LPO: variants seen among roughly 807,000 people sequenced by gnomAD.
LPO encodes the protein salivary peroxidase.
In LPO, 70 loss-of-function variants were observed where a neutral mutation model predicts 68.4. The observed-to-expected ratio is 1.02, with a 90% CI of 0.84 to 1.25. LPO has a LOEUF of 1.25. Among genes scored for constraint, LPO ranks in the 50% most tolerant of loss-of-function variants. The probability of loss-of-function intolerance (pLI) is 0.00; values close to 1 mark genes in which losing one functional copy is unlikely to be tolerated. For missense variants in LPO, 873 were observed against 908.4 expected (o/e 0.96, Z 0.50); for synonymous variants, 360 against 357.6 (o/e 1.01, Z -0.08).
chr17:58,265,927 C>G (rs557175259), intron 10 of LPO, among the ~76,000 whole-genome samples: 1 of 152,212 alleles, frequency 6.6e-6, no homozygotes, highest in African/African-American at 2.4e-5. Flanking sequence ...CATCCCATGA[C>G]TGCCCCTTTC....
intron 10 of LPO, among the ~76,000 whole-genome samples, chr17:58,265,776 G>A (rs1357431502): frequency 3.3e-5 from 5 of 151,380 alleles, no homozygotes; most frequent in Admixed American, 3.3e-4. Flanking sequence ...TCAGAGGCGG[G>A]GTTTTGCCAT....
rs190090712 is a variant in LPO, at chr17:58,264,886, C to A, written c.1431C>A (p.Arg477=). Residue 477 remains arginine (R), a synonymous_variant, in exon 10 of 13, where the codon CGC becomes CGA. Coordinates refer to ENST00000262290, the MANE Select transcript of LPO (RefSeq NM_006151.3). The part of the protein sequence containing the change: ...GHLEVPSSMF[R]LDENYQPWGP... ...TGGAGGTCCCCTCTAGTATGTTCCG[C>A]CTGGATGAGAATTATCAGCCATGGG... 6.2e-7 allele frequency: 1 copy of A among 1,614,130 alleles called. No individual in the cohort carries two copies. The highest frequency in any genetic ancestry group is 2.2e-5 in the East Asian group (1 of 44,904).
Position 58,241,405 on chromosome 17 carries a change from C to G in LPO, c.-2-1573C>G, listed in dbSNP as rs372851438. On this transcript the variant is annotated intron_variant, in intron 1 of 12. Coordinates refer to ENST00000262290, the MANE Select transcript of LPO (RefSeq NM_006151.3). ...GGATTACAGGCATGAGCCACCACAC[C>G]TGGCCATGTTTTTTACCATAGTTTG... Among the ~76,000 whole-genome samples the G allele has an allele frequency of 3.7e-4, 57 of 152,266 alleles. No homozygotes were observed. In the East Asian group the frequency reaches 5.0e-3, roughly 13 times the overall value.
intron 1 of LPO, 39 bp downstream of exon 1, chr17:58,238,778 A>G (rs2143870156): frequency 6.6e-6 from 1 of 152,280 alleles, no homozygotes; most frequent in Non-Finnish European, 1.5e-5. Flanking sequence ...GGTTTCTGCA[A>G]AGTTGATGAT....
chr17:58,257,944 A>G (rs1450820669), intron 9 of LPO, among the ~76,000 whole-genome samples: 2 of 152,220 alleles, frequency 1.3e-5, no homozygotes, highest in African/African-American at 4.8e-5. Flanking sequence ...CTTTTGAGAA[A>G]TGTCTATTCA....
At chr17:58,249,796 G>C in intron 6 of LPO, 101 bp downstream of exon 6, 1 of 1,406,858 alleles carries the variant, frequency 7.1e-7, no homozygotes, top group Non-Finnish European at 9.3e-7. Flanking sequence ...GGTGGGGGCA[G>C]CAGGGGTGCG....
chr17:58,242,352 T>C (rs543607286), intron 1 of LPO, among the ~76,000 whole-genome samples: 1 of 152,330 alleles, frequency 6.6e-6, no homozygotes, highest in East Asian at 1.9e-4. Flanking sequence ...TGTCATAACT[T>C]TCTTTCAGTA....
intron 9 of LPO, among the ~76,000 whole-genome samples, chr17:58,258,883 C>T (rs1288302014): frequency 6.6e-6 from 1 of 152,124 alleles, no homozygotes; most frequent in Non-Finnish European, 1.5e-5. Context: ...CAATAAAATA[C>T]TTGTTCATAT....
intron 3 of LPO, 87 bp from the exon 4 acceptor site, chr17:58,247,391 G>T: frequency 7.9e-7 from 1 of 1,270,400 alleles, no homozygotes; most frequent in Non-Finnish European, 1.1e-6. Flanking sequence ...AGGCCATGTT[G>T]TACACACACC....
chr17:58,260,109 A>T (rs1310978901), intron 9 of LPO, among the ~76,000 whole-genome samples: 1 of 152,236 alleles, frequency 6.6e-6, no homozygotes, highest in Non-Finnish European at 1.5e-5. Flanking sequence ...CACCATGCCC[A>T]GCCCAGTATT....
At chr17:58,263,671 T>A (rs1970210783) in intron 9 of LPO, among the ~76,000 whole-genome samples, 1 of 151,604 alleles carries the variant, frequency 6.6e-6, no homozygotes, top group Non-Finnish European at 1.5e-5. Context: ...ATCAGGGAGG[T>A]CAAGGCTACA....
rs1299546610 is a variant in LPO, at chr17:58,267,431, G to A, written c.1776G>A (p.Met592Ile). The change falls in exon 12 of 13, where the codon ATG becomes ATA. Residue 592 changes from methionine (M) to isoleucine (I), a missense_variant. By Grantham distance (10) the Met-to-Ile change is conservative. Transcript: ENST00000262290. ...TGAACACAGTGCTGAAGAGCAAGAT[G>A]CTGGCCAAGAAGTTACTGGGTCTCT... ...EELNTVLKSK[M>I]LAKKLLGLYG... 1.2e-6 allele frequency: 2 copies of A among 1,614,138 alleles called. No individual in the cohort carries two copies. The highest frequency in any genetic ancestry group is 1.7e-6 in the Non-Finnish European group (2 of 1,180,050).
chr17:58,251,486 G>A (rs571167865), intron 7 of LPO: 1 of 209,654 alleles, frequency 4.8e-6, no homozygotes, highest in East Asian at 1.2e-4. Flanking sequence ...GAGCAGCAGG[G>A]ATTTGTAGGG....
intron 9 of LPO, among the ~76,000 whole-genome samples, chr17:58,255,584 G>T (rs912572132): frequency 6.6e-6 from 1 of 152,198 alleles, no homozygotes; most frequent in African/African-American, 2.4e-5. Flanking sequence ...AAGGTAGCTG[G>T]AGGCGCAGCA....
rs1162261838 is a variant in LPO, at chr17:58,264,917, G to A, written c.1462G>A (p.Glu488Lys). 1 of 1,614,222 alleles carries A rather than the reference G, an allele frequency of 6.2e-7. No individual in the cohort carries two copies. Among genetic ancestry groups the A allele is most frequent in the Non-Finnish European group, 8.5e-7 (1 of 1,180,040 alleles). The change falls in exon 10 of 13, where the codon GAA (glutamate) becomes AAA (lysine). Residue 488 changes from glutamate (E) to lysine (K), a missense_variant. Transcript: ENST00000262290. Reference protein sequence around the residue: ...LDENYQPWGPEPELPLHTLFF... With the variant: ...LDENYQPWGPKPELPLHTLFF... ...TGAGAATTATCAGCCATGGGGGCCA[G>A]AACCAGAACTCCCCCTCCACACCCT...
chr17:58,245,970 C>G (rs1969846770), intron 3 of LPO, among the ~76,000 whole-genome samples: 1 of 152,196 alleles, frequency 6.6e-6, no homozygotes, highest in Non-Finnish European at 1.5e-5. Flanking sequence ...AGGGGCCTCA[C>G]AGAGACAGAA....
At chr17:58,239,006 T>A (rs1228267011) in intron 1 of LPO, among the ~76,000 whole-genome samples, 1 of 152,060 alleles carries the variant, frequency 6.6e-6, no homozygotes, top group Non-Finnish European at 1.5e-5. Context: ...GGCTGGAAGG[T>A]ACCATAGACC....
intron 9 of LPO, among the ~76,000 whole-genome samples, chr17:58,258,972 T>C (rs1161571842): frequency 2.0e-5 from 3 of 152,222 alleles, no homozygotes; most frequent in African/African-American, 7.2e-5. Context: ...TAGACACAAG[T>C]CCTTTGTCAG....
At chr17:58,260,434 A>G (rs554549852) in intron 9 of LPO, among the ~76,000 whole-genome samples, 119 of 152,326 alleles carry the variant, frequency 7.8e-4, no homozygotes, top group Non-Finnish European at 1.3e-3. Flanking sequence ...ACTATATTAA[A>G]TGCGCATGGT....
Sources: gnomAD v4.1 joint callset for allele counts (sites outside exome capture counted in the v4.1 genomes callset) on GRCh38, gnomAD v4.1.1 for gene constraint, MANE v1.5 for transcripts, NCBI Gene and HGNC (gene_info 2026-07-23, HGNC 2026-07-21) for gene names.